The following PRPF40B variants were observed in gnomAD, a reference collection of about 807,000 sequenced individuals.
PRPF40B encodes pre-mRNA processing factor 40B, also known as pre-mRNA-processing factor 40 homolog B.
Under a neutral mutation model 124.5 loss-of-function variants are expected in PRPF40B, and 56 were observed. That is an observed-to-expected ratio of 0.45 (90% confidence interval 0.36 to 0.56). The LOEUF (loss-of-function observed/expected upper bound fraction) is 0.56. Among genes scored for constraint, PRPF40B ranks in the 20% least tolerant of loss-of-function variants. PRPF40B has a pLI of 0.00. For synonymous variants in PRPF40B, 443 were observed against 426.4 expected (o/e 1.04, Z -0.48); for missense variants, 1,053 against 1,169.5 (o/e 0.90, Z 1.45).
chr12:49,634,256 A>G, intron 10 of PRPF40B, 76 bp from the exon 11 acceptor site: 1 of 1,607,828 alleles, frequency 6.2e-7, no homozygotes, highest in South Asian at 1.1e-5. Flanking sequence ...AGGGGGTGAT[A>G]TGTTGCCAGG....
rs1941400956 is a variant in PRPF40B at position 49,633,079 on chromosome 12, G to C, written c.414G>C (p.Lys138Asn). 6.6e-7 allele frequency: 1 copy of C among 1,520,794 alleles called. No homozygotes were observed. The highest frequency in any genetic ancestry group is 8.9e-7 in the Non-Finnish European group (1 of 1,126,534). The allele number at this position is 1,520,794 out of a possible 1,614,324, so 94.2% of individuals were successfully genotyped here. Residue 138 changes from lysine to asparagine, a missense_variant, in exon 7 of 26, where the codon AAG (lysine) becomes AAC (asparagine). Transcript: ENST00000548825. ...GRIYYYNADD[K>N]QSVWEKPSVL... is the part of the protein sequence containing the mutation. ...TCTACTACTACAATGCTGACGACAA[G>C]CAGTCCGTGTGGGAGAAGCCCAGCG...
Position 49,644,008 on chromosome 12 carries a change from A to AGG in PRPF40B, c.2586+7_2586+8dup. The AGG allele has an allele frequency of 6.2e-7, 1 of 1,614,164 alleles. No homozygotes were observed. The highest frequency in any genetic ancestry group is 8.5e-7 in the Non-Finnish European group (1 of 1,180,020). ...CTTTGGAATCAAGAAGGAGAAGGTG[A>AGG]GGGGCAGGGGCCCTAGGCCAGTCAG... is the stretch of plus-strand genomic sequence containing the variant. On this transcript the variant is annotated splice_donor_region_variant and intron_variant, in intron 25 of 25. Coordinates refer to ENST00000548825, the MANE Select transcript of PRPF40B (RefSeq NM_001031698.3).
Position 49,636,039 on chromosome 12 carries a change from C to G in PRPF40B, c.1426+46C>G, listed in dbSNP as rs748033270. ...CCAGCTATCCCTTTCCCTTTCTTTA[C>G]TGGACCTGGGACCCCAGAGTCTGCC... On this transcript the variant is annotated intron_variant, in intron 15 of 25. Coordinates refer to ENST00000548825, the MANE Select transcript of PRPF40B (RefSeq NM_001031698.3). The G allele has an allele frequency of 1.9e-6, 3 of 1,607,362 alleles. No individual in the cohort carries two copies. The African/African-American group carries it at 4.0e-5, about 21-fold the overall frequency.
intron 1 of PRPF40B, among the ~76,000 whole-genome samples, chr12:49,628,562 GT>G (rs1226851283): frequency 9.5e-4 from 128 of 134,962 alleles, no homozygotes; most frequent in Middle Eastern, 7.9e-3. Context: ...GCCAGGAACA[GT>G]TTTTTTTTTT....
chr12:49,632,341 A>C (rs1402164733), intron 4 of PRPF40B: 1 of 571,194 alleles, frequency 1.8e-6, no homozygotes, highest in Admixed American at 3.3e-5. Context: ...TCCACTGTGA[A>C]GGAATGAGCC....
At position 49,635,717 on chromosome 12, in the gene PRPF40B, T is replaced by C; in HGVS notation, c.1276-126T>C. 8.5e-7 allele frequency: 1 copy of C among 1,172,830 alleles called. No individual in the cohort carries two copies. The highest frequency in any genetic ancestry group is 2.4e-5 in the East Asian group (1 of 41,012). 72.7% of individuals were successfully genotyped at this position (1,172,830 alleles called of 1,614,324 possible). A position where few individuals can be genotyped will look rare whatever the true frequency, so the allele number is the denominator to read the frequency against. On this transcript the variant is annotated intron_variant, in intron 14 of 25. Transcript: ENST00000548825. This position sits in a 1 kb window ranked among gnomAD's most constrained non-coding sequence, Gnocchi z 4.1. ...GTACTCCCTCCCCTTCCCTGAGACA[T>C]GAAAGTCTTGAGTATGGCCTTCTTC...
chr12:49,637,453 G>A lies in PRPF40B; in HGVS notation c.1561-17G>A. ...TCCCTGTCTCACTCTCCCTATAACT[G>A]GCCTCTCCCTGCTCAGACCTTCCTG... On this transcript the variant is annotated splice_polypyrimidine_tract_variant and intron_variant, in intron 16 of 25. Transcript: ENST00000548825. 1 of 1,583,802 alleles carries A rather than the reference G, an allele frequency of 6.3e-7. No homozygotes were observed. The highest frequency in any genetic ancestry group is 1.1e-5 in the South Asian group (1 of 90,460).
chr12:49,633,781 A>G, intron 9 of PRPF40B, 105 bp from the exon 10 acceptor site: 1 of 1,605,250 alleles, frequency 6.2e-7, no homozygotes, highest in South Asian at 1.1e-5. Context: ...TTGTGGAGTC[A>G]TCCCCTCTGG....
intron 4 of PRPF40B, chr12:49,632,359 T>G: frequency 3.5e-6 from 2 of 570,322 alleles, no homozygotes; most frequent in Non-Finnish European, 6.2e-6. Context: ...GCCTCGGGAG[T>G]TGTCTCAACA....
Position 49,642,449 on chromosome 12 carries a change from G to A in PRPF40B, c.2022+77G>A. 6.3e-7 allele frequency: 1 copy of A among 1,581,590 alleles called. No homozygotes were observed. The highest frequency in any genetic ancestry group is 8.7e-7 in the Non-Finnish European group (1 of 1,153,264). On this transcript the variant is annotated intron_variant, in intron 20 of 25. Transcript: ENST00000548825. This position sits in a 1 kb window ranked among gnomAD's most constrained non-coding sequence, Gnocchi z 5.8. ...GCTTCACCACTGAGGGCCCACCCCA[G>A]TCACGTCACAGCCCTGGGCCAGCTC... is the stretch of plus-strand genomic sequence containing the variant.
At chr12:49,624,315 G>A in intron 1 of PRPF40B, 1 of 418,560 alleles carries the variant, frequency 2.4e-6, no homozygotes, top group Non-Finnish European at 3.2e-6. Context: ...GTTTGGTAGG[G>A]AAGCAAAGGA....
intron 1 of PRPF40B, among the ~76,000 whole-genome samples, chr12:49,628,499 G>C (rs1940927828): frequency 6.6e-6 from 1 of 151,538 alleles, no homozygotes; most frequent in African/African-American, 2.4e-5. Flanking sequence ...CAGGTGATCT[G>C]CCCGCTTGGC....
Position 49,644,385 on chromosome 12 carries a change from A to G in PRPF40B, c.*193A>G. 1.6e-6 allele frequency: 1 copy of G among 634,168 alleles called. No individual in the cohort carries two copies. Among genetic ancestry groups the G allele is most frequent in the East Asian group, 2.8e-5 (1 of 35,382 alleles). The allele number at this position is 634,168 out of a possible 1,614,324, so 39.3% of individuals were successfully genotyped here. A position where few individuals can be genotyped will look rare whatever the true frequency, so the allele number is the denominator to read the frequency against. On this transcript the variant is annotated 3_prime_UTR_variant, in exon 26 of 26. Coordinates refer to ENST00000548825, the MANE Select transcript of PRPF40B (RefSeq NM_001031698.3). ...TCAAGGGTCCCCTACTCCCTGGACT[A>G]GTGCAGTCCTTGCCCTCAGCCCCAG...
intron 18 of PRPF40B, chr12:49,641,027 A>G (rs1160976085): frequency 2.0e-5 from 3 of 152,284 alleles, no homozygotes; most frequent in African/African-American, 7.2e-5. Context: ...GGTGAGAGCT[A>G]TGTGGAGGGA....
intron 16 of PRPF40B, chr12:49,637,119 G>A: frequency 1.7e-6 from 1 of 590,310 alleles, no homozygotes; most frequent in South Asian, 2.2e-5. Flanking sequence ...GCTAGGCCAT[G>A]TTTATTTCCC....
intron 18 of PRPF40B, chr12:49,639,500 C>T (rs780212890): frequency 2.0e-5 from 3 of 152,236 alleles, no homozygotes; most frequent in Admixed American, 2.0e-4. Flanking sequence ...CAGGCTGTAG[C>T]GCTCCAGCTG....
At chr12:49,632,702 C>T in intron 5 of PRPF40B, 79 bp downstream of exon 5, 1 of 1,596,272 alleles carries the variant, frequency 6.3e-7, no homozygotes, top group South Asian at 1.1e-5. Context: ...GACTGGAGCC[C>T]ACCCTGGATC....
rs1942758244 is a variant in PRPF40B at position 49,642,162 on chromosome 12, C to A, written c.1885-73C>A. 7 of 1,612,002 alleles carry A rather than the reference C, an allele frequency of 4.3e-6. No homozygotes were observed. Among genetic ancestry groups the A allele is most frequent in the Non-Finnish European group, 5.9e-6 (7 of 1,178,772 alleles). ...AGCCCAGACCCTAACTTTCCACCTCCTAAGGTATGCCTGAGTGGGACCTGG... is the reference window on the plus strand; with the variant it reads ...AGCCCAGACCCTAACTTTCCACCTCATAAGGTATGCCTGAGTGGGACCTGG... On this transcript the variant is annotated intron_variant, in intron 19 of 25. Transcript: ENST00000548825. The surrounding 1 kb of genome is among the most constrained non-coding windows in gnomAD (Gnocchi z 5.8).
Position 49,630,528 on chromosome 12 carries a change from T to C in PRPF40B, c.4-17T>C. 7.6e-7 allele frequency: 1 copy of C among 1,314,940 alleles called. No individual in the cohort carries two copies. Among genetic ancestry groups the C allele is most frequent in the Non-Finnish European group, 1.1e-6 (1 of 929,516 alleles). 81.5% of individuals were successfully genotyped at this position (1,314,940 alleles called of 1,614,324 possible). A position where few individuals can be genotyped will look rare whatever the true frequency, so the allele number is the denominator to read the frequency against. ...TGTGCCCATCCTGGGTCCTATGACT[T>C]TTCTCTCCCTCAACAGTCGGTTCCC... is the stretch of plus-strand genomic sequence containing the variant. On this transcript the variant is annotated splice_polypyrimidine_tract_variant and intron_variant, in intron 1 of 25. Transcript: ENST00000548825.
Sources: allele counts gnomAD v4.1 joint callset (sites outside exome capture counted in the v4.1 genomes callset), GRCh38; gene constraint gnomAD v4.1.1; non-coding constraint Gnocchi (gnomAD v3.1); transcripts MANE v1.5; gene names NCBI Gene and HGNC (gene_info 2026-07-23, HGNC 2026-07-21).